Variants in KIAA0825 observed in about 807,000 individuals in gnomAD.
The protein encoded by KIAA0825 is uncharacterized protein KIAA0825.
Under a neutral mutation model 147.6 loss-of-function variants are expected in KIAA0825, and 119 were observed. That is an observed-to-expected ratio of 0.81 (90% confidence interval 0.69 to 0.94). KIAA0825 has a LOEUF of 0.94. Among genes scored for constraint, KIAA0825 ranks in the 40% least tolerant of loss-of-function variants. KIAA0825 has a pLI of 0.00. For synonymous variants in KIAA0825, 470 were observed against 518.1 expected, an observed-to-expected ratio of 0.91 and a Z score of 1.26; for missense variants, 1,381 against 1,472.7, an observed-to-expected ratio of 0.94 and a Z score of 1.02.
intron 20 of KIAA0825, among the ~76,000 whole-genome samples, chr5:94,218,206 G>A (rs946582972): frequency 6.6e-6 from 1 of 152,164 alleles, no homozygotes; most frequent in Non-Finnish European, 1.5e-5. Context: ...TTACTTGAAT[G>A]AATGCTTCTG....
intron 18 of KIAA0825, among the ~76,000 whole-genome samples, chr5:94,389,349 A>G (rs1749594454): frequency 6.6e-6 from 1 of 152,226 alleles, no homozygotes; most frequent in Non-Finnish European, 1.5e-5. Flanking sequence ...GTAAGCTCCC[A>G]GTAAAACCCC....
chr5:94,375,057 A>G (rs1213499229), intron 20 of KIAA0825, among the ~76,000 whole-genome samples: 2 of 144,206 alleles, frequency 1.4e-5, no homozygotes, highest in African/African-American at 5.2e-5. Context: ...TTTTTGATAA[A>G]GTCTCGCTCT....
At chr5:94,339,661 A>C (rs1782166026) in intron 20 of KIAA0825, among the ~76,000 whole-genome samples, 1 of 152,156 alleles carries the variant, frequency 6.6e-6, no homozygotes, top group Admixed American at 6.5e-5. Context: ...AATTCCATGG[A>C]ACTACTCGTA....
At chr5:94,389,178 C>G (rs1471274161) in intron 18 of KIAA0825, among the ~76,000 whole-genome samples, 1 of 152,172 alleles carries the variant, frequency 6.6e-6, no homozygotes, top group East Asian at 1.9e-4. Context: ...TGGAGCCATA[C>G]AGGGGATTGA....
intron 20 of KIAA0825, among the ~76,000 whole-genome samples, chr5:94,232,841 C>T (rs1331353079): frequency 6.6e-6 from 1 of 152,030 alleles, no homozygotes; most frequent in Non-Finnish European, 1.5e-5. Context: ...TTCTTGCTCT[C>T]TAGACATAAG....
At chr5:94,494,143 T>A (rs565163921) in intron 5 of KIAA0825, among the ~76,000 whole-genome samples, 1 of 152,262 alleles carries the variant, frequency 6.6e-6, no homozygotes, top group African/African-American at 2.4e-5. Context: ...CCCAGGCCAA[T>A]GCTGGCTCCA....
intron 1 of KIAA0825, among the ~76,000 whole-genome samples, chr5:94,609,530 T>A (rs1429733773): frequency 1.3e-5 from 2 of 152,158 alleles, no homozygotes; most frequent in African/African-American, 4.8e-5. Flanking sequence ...CTTCAGTAAT[T>A]TTTAAGATTA....
chr5:94,343,715 G>A (rs1363391274), intron 20 of KIAA0825, among the ~76,000 whole-genome samples: 14 of 151,978 alleles, frequency 9.2e-5, no homozygotes, highest in Non-Finnish European at 1.8e-4. Flanking sequence ...AAAAGAAAGT[G>A]AAAAGGCAAG....
Position 94,477,126 on chromosome 5 carries a change from T to C in KIAA0825, c.1212A>G (p.Ser404=), listed in dbSNP as rs1367046278. The C allele has an allele frequency of 1.9e-6, 3 of 1,550,590 alleles. No individual in the cohort carries two copies. The highest frequency in any genetic ancestry group is 1.2e-5 in the South Asian group (1 of 84,020). The part of the protein sequence containing the change: ...ANETNIPSEQ[S]LPGKEATLLD... ...CTTCACTTACCTCTTTTCCTGGTAG[T>C]GATTGCTCGGAAGGAATATTGGTTT... Residue 404 remains serine (S), a synonymous_variant, in exon 7 of 21, where the codon TCA becomes TCG. Coordinates refer to ENST00000682413, the MANE Select transcript of KIAA0825 (RefSeq NM_001145678.3).
intron 1 of KIAA0825, among the ~76,000 whole-genome samples, chr5:94,595,415 T>C (rs971634998): frequency 5.3e-5 from 8 of 152,200 alleles, no homozygotes; most frequent in Non-Finnish European, 1.2e-4. Flanking sequence ...GTTGCTCCCT[T>C]TTAGCCACAG....
chr5:94,206,913 T>A (rs1772252085), intron 20 of KIAA0825, among the ~76,000 whole-genome samples: 7 of 152,194 alleles, frequency 4.6e-5, no homozygotes, highest in Admixed American at 4.6e-4. Context: ...TCGCGGAAGA[T>A]CAAATCAATT....
At chr5:94,242,362 T>A (rs139444916) in intron 20 of KIAA0825, among the ~76,000 whole-genome samples, 1 of 152,282 alleles carries the variant, frequency 6.6e-6, no homozygotes, top group African/African-American at 2.4e-5. Context: ...GCTGATTCAT[T>A]TGGATATTCA....
rs549762874 is a variant in KIAA0825 at position 94,326,920 on chromosome 5, G to C, written c.3710+57448C>G. ...AAAAGGTCACAAATCTTGAGATGTG[G>C]TGACATCATGACAATAAGACACTTT... On this transcript the variant is annotated intron_variant, in intron 20 of 20. Coordinates refer to ENST00000682413, the MANE Select transcript of KIAA0825 (RefSeq NM_001145678.3). Among the ~76,000 whole-genome samples the C allele has an allele frequency of 2.0e-5, 3 of 152,300 alleles. No homozygotes were observed. In the East Asian group the frequency reaches 5.8e-4, roughly 29 times the overall value.
chr5:94,464,864 A>G lies in KIAA0825; in HGVS notation c.2063+5T>C, dbSNP rs778687015. On this transcript the variant is annotated splice_donor_5th_base_variant and intron_variant, in intron 11 of 20. Transcript: ENST00000682413. ...AAAAGCAATGTTTTTCAGAACTTCA[A>G]TTACCTTAACTGTGGAGTTCTTTTA... 1.8e-5 allele frequency: 28 copies of G among 1,539,332 alleles called. No homozygotes were observed. The highest frequency in any genetic ancestry group is 5.5e-5 in the African/African-American group (4 of 72,122).
Position 94,520,381 on chromosome 5 carries a change from G to C in KIAA0825, c.837C>G (p.Tyr279Ter), listed in dbSNP as rs1446770825. The change falls in exon 5 of 21, where the codon TAC (tyrosine) becomes TAG (stop). Residue 279 changes from tyrosine (Y) to a stop codon, truncating the protein, a stop_gained. Transcript: ENST00000682413. LOFTEE classifies it high-confidence loss of function. ...SSMVKFIKET[Y>*]LDTVTEEMAK... ...CCATTTCTTCTGTAACAGTATCCAG[G>C]TAAGTTTCTTTAATGAATTTCACCA... 2.5e-6 allele frequency: 4 copies of C among 1,613,298 alleles called. No homozygotes were observed. Among genetic ancestry groups the C allele is most frequent in the Middle Eastern group, 1.7e-4 (1 of 6,060 alleles).
At chr5:94,195,127 TC>T (rs1233630934) in intron 20 of KIAA0825, among the ~76,000 whole-genome samples, 1 of 152,334 alleles carries the variant, frequency 6.6e-6, no homozygotes, top group East Asian at 1.9e-4. Flanking sequence ...ATCTCTGTAC[TC>T]CCCGTGGTGA....
chr5:94,396,475 A>C lies in KIAA0825; in HGVS notation c.2922T>G (p.Ile974Met), dbSNP rs772502509. The change falls in exon 17 of 21, where the codon ATT becomes ATG. Residue 974 changes from isoleucine (I) to methionine (M), a missense_variant. By Grantham distance (10) the Ile-to-Met change is conservative. Transcript: ENST00000682413. ...TCACCGTAGGTAACTTGCTGATTACAATAGATACTGCCTGAGCAGTAAGCC... is the reference window on the plus strand; with the variant it reads ...TCACCGTAGGTAACTTGCTGATTACCATAGATACTGCCTGAGCAGTAAGCC... ...FTRLTAQAVS[I>M]VISKLPTVIA... 8 of 1,521,556 alleles carry C rather than the reference A, an allele frequency of 5.3e-6. No homozygotes were observed. The highest frequency in any genetic ancestry group is 7.1e-6 in the Non-Finnish European group (8 of 1,134,576). The allele number at this position is 1,521,556 out of a possible 1,614,324, so 94.3% of individuals were successfully genotyped here. A position where few individuals can be genotyped will look rare whatever the true frequency, so the allele number is the denominator to read the frequency against.
chr5:94,526,112 T>C (rs1024949771), intron 3 of KIAA0825, among the ~76,000 whole-genome samples: 2 of 152,036 alleles, frequency 1.3e-5, no homozygotes, highest in African/African-American at 4.8e-5. Context: ...CCAATTGTTA[T>C]ACAAAATAAA....
At chr5:94,535,407 G>A (rs1188280919) in intron 3 of KIAA0825, among the ~76,000 whole-genome samples, 5 of 149,762 alleles carry the variant, frequency 3.3e-5, no homozygotes, top group African/African-American at 2.5e-5. Context: ...CTTCTTGAGA[G>A]GCTAAGGCAC....
Sources: allele counts gnomAD v4.1 joint callset (sites outside exome capture counted in the v4.1 genomes callset), GRCh38; gene constraint gnomAD v4.1.1; transcripts MANE v1.5; gene names NCBI Gene and HGNC (gene_info 2026-07-23, HGNC 2026-07-21).